Variants in SYTL5 observed in about 807,000 individuals in gnomAD.
SYTL5 encodes synaptotagmin-like protein 5.
A neutral mutation model predicts 55.9 loss-of-function variants in SYTL5; 34 were observed. That is an observed-to-expected ratio of 0.61 (90% confidence interval 0.46 to 0.81). The LOEUF is 0.81. Among genes scored for constraint, SYTL5 ranks in the 30% least tolerant of loss-of-function variants. The probability of loss-of-function intolerance (pLI) is 0.00; values close to 1 mark genes in which losing one functional copy is unlikely to be tolerated. For synonymous variants in SYTL5, 221 were observed against 188.7 expected (o/e 1.17, Z -1.40); for missense variants, 637 against 546.7 (o/e 1.17, Z -1.65).
At chrX:37,975,128 G>C in the SYTL5 span, among the ~76,000 whole-genome samples, 1 of 112,333 alleles carries the variant, frequency 8.9e-6, no homozygotes, top group South Asian at 3.7e-4. Context: ...GCAGGTTTCC[G>C]CTTTGGCCAA....
At chrX:37,959,772 A>G in the SYTL5 span, among the ~76,000 whole-genome samples, 1 of 111,641 alleles carries the variant, frequency 9.0e-6, no homozygotes, top group Non-Finnish European at 1.9e-5. Flanking sequence ...TCCTGAGTGA[A>G]TCCCAACAAC....
chrX:37,919,928 C>T, the SYTL5 span, among the ~76,000 whole-genome samples: 1 of 111,625 alleles, frequency 9.0e-6, no homozygotes, highest in East Asian at 2.8e-4. Flanking sequence ...AAGTATACCT[C>T]GTATCTGTAT....
intron 13 of SYTL5, among the ~76,000 whole-genome samples, chrX:38,115,964 T>A (rs956060813): frequency 1.8e-5 from 2 of 112,171 alleles, no homozygotes; most frequent in Admixed American, 1.9e-4. Context: ...TTGCCTATTT[T>A]TGCTTTTGTT....
chrX:37,968,532 C>T, the SYTL5 span, among the ~76,000 whole-genome samples: 5 of 111,264 alleles, frequency 4.5e-5, no homozygotes, highest in African/African-American at 1.6e-4. Context: ...AAAAGGGCCC[C>T]CTTAACCCCC....
intron 7 of SYTL5, among the ~76,000 whole-genome samples, chrX:38,092,572 C>T (rs1443870708): frequency 1.8e-5 from 2 of 111,176 alleles, no homozygotes; most frequent in Admixed American, 9.6e-5. Context: ...GCAAACAAGC[C>T]GCTTTTCCCT....
At chrX:38,109,757 G>A (rs1418659525) in intron 12 of SYTL5, among the ~76,000 whole-genome samples, 1 of 109,141 alleles carries the variant, frequency 9.2e-6, no homozygotes, top group Non-Finnish European at 1.9e-5. Context: ...TGTGGCCCTG[G>A]ATGATGTTGT....
At chrX:37,969,554 A>C in the SYTL5 span, among the ~76,000 whole-genome samples, 7 of 112,181 alleles carry the variant, frequency 6.2e-5, no homozygotes, top group South Asian at 2.6e-3. Flanking sequence ...TTCGAAAACA[A>C]TTTTTCTCCC....
chrX:37,890,715 C>T, the SYTL5 span, among the ~76,000 whole-genome samples: 1 of 112,200 alleles, frequency 8.9e-6, no homozygotes, highest in African/African-American at 3.2e-5. Flanking sequence ...CAAACACACT[C>T]CAGTTGAAAA....
At chrX:37,907,890 T>C in the SYTL5 span, among the ~76,000 whole-genome samples, 1 of 110,097 alleles carries the variant, frequency 9.1e-6, no homozygotes, top group Non-Finnish European at 1.9e-5. Flanking sequence ...ATATTTAATT[T>C]TTTATTTTTT....
chrX:37,900,829 A>G, the SYTL5 span, among the ~76,000 whole-genome samples: 1 of 110,032 alleles, frequency 9.1e-6, no homozygotes, highest in African/African-American at 3.3e-5. Flanking sequence ...TCATGTGCCC[A>G]CTCCTGGGAT....
chrX:38,071,565 CTGATCATAAGTCTGATCACAGAGT>C (rs1349649131), intron 3 of SYTL5, among the ~76,000 whole-genome samples: 3 of 111,926 alleles, frequency 2.7e-5, no homozygotes, highest in African/African-American at 9.7e-5. Context: ...TCACAGAGAT[CTGATCATAAGTCTGATCACAGAGT>C]CTGATCATGA....
chrX:37,993,981 G>T, the SYTL5 span, among the ~76,000 whole-genome samples: 2 of 111,945 alleles, frequency 1.8e-5, no homozygotes, highest in African/African-American at 6.5e-5. Flanking sequence ...CTCTCAAAAA[G>T]AAGTTCCAGT....
chrX:38,024,153 T>A (rs779180760), intron 1 of SYTL5, among the ~76,000 whole-genome samples: 1 of 110,482 alleles, frequency 9.1e-6, no homozygotes, highest in Non-Finnish European at 1.9e-5. Context: ...ATCTCTTGAA[T>A]TGTAGCTCCC....
chrX:38,125,465 G>A lies in SYTL5; in HGVS notation c.2009G>A (p.Ser670Asn). 2.5e-6 allele frequency: 3 copies of A among 1,211,729 alleles called. No individual in the cohort carries two copies. Among genetic ancestry groups the A allele is most frequent in the Non-Finnish European group, 3.4e-6 (3 of 895,330 alleles). The change falls in exon 16 of 17, where the codon AGC becomes AAC. Residue 670 changes from serine (S) to asparagine (N), a missense_variant. Transcript: ENST00000297875. ...ATCTGGGACAAGGAGGCCTTTTCCA[G>A]CAACATCTTTCTGGGAGGAGTTCGT... ...LTIWDKEAFSSNIFLGGVRLN... is the reference protein window; with the variant it reads ...LTIWDKEAFSNNIFLGGVRLN...
At chrX:37,957,206 C>A in the SYTL5 span, among the ~76,000 whole-genome samples, 1 of 111,292 alleles carries the variant, frequency 9.0e-6, no homozygotes, top group African/African-American at 3.3e-5. Flanking sequence ...ATATATAGTT[C>A]GCAATTTTTT....
intron 2 of SYTL5, among the ~76,000 whole-genome samples, chrX:38,043,176 T>C (rs759178556): frequency 4.5e-5 from 5 of 111,548 alleles, no homozygotes; most frequent in Non-Finnish European, 9.4e-5. Flanking sequence ...GGCATCAATG[T>C]CTGCAACTTT....
intron 1 of SYTL5, among the ~76,000 whole-genome samples, chrX:38,017,116 C>T (rs965486732): frequency 1.8e-5 from 2 of 110,801 alleles, no homozygotes; most frequent in Non-Finnish European, 3.8e-5. Context: ...GAGAGGTTGC[C>T]CATTCTCAAA....
At chrX:38,088,338 G>A (rs1162093673) in intron 6 of SYTL5, among the ~76,000 whole-genome samples, 3 of 111,851 alleles carry the variant, frequency 2.7e-5, no homozygotes, top group African/African-American at 9.7e-5. Flanking sequence ...ATTAACCACT[G>A]CTGGTATGCT....
chrX:38,044,316 A>G (rs1935394801), intron 2 of SYTL5, among the ~76,000 whole-genome samples: 1 of 111,986 alleles, frequency 8.9e-6, no homozygotes, highest in Non-Finnish European at 1.9e-5. Context: ...AGTATCACCT[A>G]AAAAGGTAAA....
Sources: allele counts gnomAD v4.1 joint callset (sites outside exome capture counted in the v4.1 genomes callset), GRCh38; gene constraint gnomAD v4.1.1; transcripts MANE v1.5; gene names NCBI Gene and HGNC (gene_info 2026-07-23, HGNC 2026-07-21).